The following NCOR1 variants were observed in gnomAD, a reference collection of about 807,000 sequenced individuals.
NCOR1 encodes nuclear receptor corepressor 1.
Under a neutral mutation model 288.1 loss-of-function variants are expected in NCOR1, and 63 were observed. That is an observed-to-expected ratio of 0.22 (90% CI 0.18 to 0.27). NCOR1 has a LOEUF of 0.27. Ranked by LOEUF, NCOR1 falls within the 10% of genes least tolerant of loss-of-function variation. The probability of loss-of-function intolerance (pLI) is 1.00; values close to 1 mark genes in which losing one functional copy is unlikely to be tolerated. For synonymous variants in NCOR1, 1,007 were observed against 1,065.9 expected (o/e 0.94, Z 1.08); for missense variants, 2,397 against 3,019.2 (o/e 0.79, Z 4.83).
chr17:16,199,210 A>ACACAC (rs1555813660), intron 1 of NCOR1, among the ~76,000 whole-genome samples: 7 of 109,128 alleles, frequency 6.4e-5, no homozygotes, highest in Non-Finnish European at 9.3e-5. Flanking sequence ...GAAGGAAAAA[A>ACACAC]AAAAAAACAC....
At chr17:16,193,292 G>A (rs796446757) in intron 2 of NCOR1, among the ~76,000 whole-genome samples, 11 of 151,980 alleles carry the variant, frequency 7.2e-5, no homozygotes, top group South Asian at 4.2e-4. Flanking sequence ...GTGCAACGGC[G>A]CAATTTTGGC....
At chr17:16,112,520 G>A (rs1043578124) in intron 18 of NCOR1, among the ~76,000 whole-genome samples, 20 of 152,098 alleles carry the variant, frequency 1.3e-4, no homozygotes, top group African/African-American at 3.4e-4. Flanking sequence ...CTTTTGAGAC[G>A]GAGTCTCACT....
intron 18 of NCOR1, among the ~76,000 whole-genome samples, chr17:16,117,529 A>C (rs899789999): frequency 1.7e-4 from 26 of 151,742 alleles, no homozygotes; most frequent in East Asian, 7.7e-4. Flanking sequence ...AAAAAAAAAA[A>C]AAAAACATCA....
Position 16,050,947 on chromosome 17 carries a change from C to T in NCOR1, c.6393-1959G>A, listed in dbSNP as rs1479434828. 2.0e-5 allele frequency among the ~76,000 whole-genome samples: 3 copies of T among 152,180 alleles called. No individual in the cohort carries two copies. The East Asian group carries it at 5.8e-4, about 29-fold the overall frequency. On this transcript the variant is annotated intron_variant, in intron 40 of 45. Transcript: ENST00000268712. ...TTCTGCGCTCACGTGATCCTCCCAC[C>T]TCAGGCTCCCAAGTAGCTGGGACTA...
chr17:16,063,945 C>T, intron 35 of NCOR1, 123 bp downstream of exon 35: 1 of 1,276,476 alleles, frequency 7.8e-7, no homozygotes, highest in Non-Finnish European at 1.1e-6. Flanking sequence ...TCACTTGGGG[C>T]CTGTAATAAC....
At chr17:16,051,755 A>G (rs1305959076) in intron 40 of NCOR1, among the ~76,000 whole-genome samples, 1 of 152,016 alleles carries the variant, frequency 6.6e-6, no homozygotes, top group East Asian at 1.9e-4. Context: ...CTACTAAAAA[A>G]ATACAAAATT....
chr17:16,098,252 TTA>T, intron 21 of NCOR1, 113 bp downstream of exon 21: 1 of 1,004,926 alleles, frequency 1.0e-6, no homozygotes, highest in Non-Finnish European at 1.5e-6. Flanking sequence ...TAATTTCATG[TTA>T]TGTTTTGTAC....
rs1398361404 is a variant in NCOR1, at chr17:16,121,073, G to C, written c.1831C>G (p.Leu611Val). ...TCACTGGGTTCTGGTGGCGGTGGCA[G>C]AGGTGGTGGGGGCTCTTCAGTAGCC... ...AAATEEPPPP[L>V]PPPPEPISTE... The change falls in exon 16 of 46, where the codon CTG becomes GTG. Residue 611 changes from leucine to valine, a missense_variant. By Grantham distance (32) the Leu-to-Val change is conservative (BLOSUM62 1). This residue lies in a region of NCOR1 where 113 missense variants were observed against 139.5 expected (regional missense o/e 0.81). Coordinates refer to ENST00000268712, the MANE Select transcript of NCOR1 (RefSeq NM_006311.4). 1.2e-6 allele frequency: 2 copies of C among 1,613,698 alleles called. No homozygotes were observed. The highest frequency in any genetic ancestry group is 1.7e-4 in the Middle Eastern group (1 of 6,012).
In NCOR1 at chr17:16,198,904, A is replaced by G. The variant is rs1379058768; in HGVS notation, c.-70-4265T>C. ...TAAATGGAATGAAGAGGCAAAAAAA[A>G]AGATTTTAACCCAGGGTCATCCAAT... On this transcript the variant is annotated intron_variant, in intron 1 of 45. Coordinates refer to ENST00000268712, the MANE Select transcript of NCOR1 (RefSeq NM_006311.4). Among the ~76,000 whole-genome samples the G allele has an allele frequency of 2.6e-5, 4 of 152,264 alleles. No individual in the cohort carries two copies. In the East Asian group the frequency reaches 7.7e-4, roughly 29 times the overall value.
At chr17:16,145,349 C>T (rs912532009) in intron 10 of NCOR1, among the ~76,000 whole-genome samples, 4 of 151,000 alleles carry the variant, frequency 2.6e-5, no homozygotes, top group African/African-American at 5.0e-5. Context: ...AGCGTCTCTG[C>T]CTGGACGCCC....
intron 43 of NCOR1, 187 bp downstream of exon 43, chr17:16,040,254 G>T: frequency 1.5e-6 from 1 of 685,492 alleles, no homozygotes; most frequent in Non-Finnish European, 2.7e-6. Flanking sequence ...CTTTTCAATA[G>T]GTATTTACTG....
chr17:16,147,974 C>T lies in NCOR1; in HGVS notation c.910-1426G>A, dbSNP rs190458376. Among the ~76,000 whole-genome samples the T allele has an allele frequency of 4.6e-5, 7 of 152,262 alleles. No individual in the cohort carries two copies. In the East Asian group the frequency reaches 7.7e-4, roughly 17 times the overall value. On this transcript the variant is annotated intron_variant, in intron 9 of 45. Coordinates refer to ENST00000268712, the MANE Select transcript of NCOR1 (RefSeq NM_006311.4). ...CTGAGTTTACAAGCATGCGCCACCA[C>T]GCCTGGCTAATTTTGTATTTTTAGC...
At chr17:16,092,133 G>T in intron 21 of NCOR1, 75 bp from the exon 22 acceptor site, 1 of 1,473,854 alleles carries the variant, frequency 6.8e-7, no homozygotes, top group Non-Finnish European at 9.3e-7. Flanking sequence ...GTAATGTAAT[G>T]CTTATTTCTG....
chr17:16,173,564 C>G (rs1252560274), intron 3 of NCOR1, among the ~76,000 whole-genome samples: 2 of 151,382 alleles, frequency 1.3e-5, no homozygotes, highest in Non-Finnish European at 2.9e-5. Flanking sequence ...TTGGAGGATA[C>G]AAAATCAACA....
chr17:16,176,635 T>C (rs546347505), intron 3 of NCOR1, among the ~76,000 whole-genome samples: 2 of 151,136 alleles, frequency 1.3e-5, no homozygotes, highest in Admixed American at 6.6e-5. Context: ...CTGTTGTTTT[T>C]ATTGTTAAAC....
At chr17:16,124,903 T>C (rs2073724511) in intron 15 of NCOR1, among the ~76,000 whole-genome samples, 1 of 152,182 alleles carries the variant, frequency 6.6e-6, no homozygotes, top group South Asian at 2.1e-4. Context: ...AAAAATTAAA[T>C]TACATTCAAT....
At position 16,086,267 on chromosome 17, in the gene NCOR1, G is replaced by A; in HGVS notation, c.3177+15C>T. ...TATTCAACAAGAAATCTACTGTAAA[G>A]AGAAGTCGTTTCACCTGTGAGATGG... is the stretch of plus-strand genomic sequence containing the variant. On this transcript the variant is annotated intron_variant, in intron 23 of 45. Coordinates refer to ENST00000268712, the MANE Select transcript of NCOR1 (RefSeq NM_006311.4). 1 of 1,611,300 alleles carries A rather than the reference G, an allele frequency of 6.2e-7. No homozygotes were observed. Among genetic ancestry groups the A allele is most frequent in the Non-Finnish European group, 8.5e-7 (1 of 1,178,210 alleles).
At position 16,039,276 on chromosome 17, in the gene NCOR1, G is replaced by GT. The variant is rs1379758382; in HGVS notation, c.6955+156dup. 1.8e-5 allele frequency: 13 copies of GT among 705,406 alleles called. No individual in the cohort carries two copies. In the Admixed American group the frequency reaches 2.1e-4, roughly 11 times the overall value. The allele number at this position is 705,406 out of a possible 1,614,324, so 43.7% of individuals were successfully genotyped here. The stretch of plus-strand genomic sequence containing the variant: ...TGTTCATATTATAATGTCTGGGTAG[G>GT]TTTTCAAAAACCTTTTTTAAGTAAC... On this transcript the variant is annotated intron_variant, in intron 44 of 45. Coordinates refer to ENST00000268712, the MANE Select transcript of NCOR1 (RefSeq NM_006311.4).
chr17:16,159,274 A>G (rs1219435978), intron 5 of NCOR1, among the ~76,000 whole-genome samples: 1 of 151,942 alleles, frequency 6.6e-6, no homozygotes, highest in Non-Finnish European at 1.5e-5. Flanking sequence ...TTAGCTGGGC[A>G]TGGTGGCGCA....
Sources: gnomAD v4.1 joint callset for allele counts (sites outside exome capture counted in the v4.1 genomes callset) on GRCh38, gnomAD v4.1.1 for gene constraint, gnomAD v4.1.1 regional missense constraint, MANE v1.5 for transcripts, NCBI Gene and HGNC (gene_info 2026-07-23, HGNC 2026-07-21) for gene names.